TM6SF1: variants seen among roughly 807,000 people sequenced by gnomAD.
TM6SF1 encodes the protein transmembrane 6 superfamily member 1.
In TM6SF1, 43 loss-of-function variants were observed where a neutral mutation model predicts 47.1. The observed-to-expected ratio is 0.91, with a 90% CI of 0.72 to 1.18. The LOEUF is 1.18. Ranked by LOEUF, TM6SF1 falls within the 50% of genes most tolerant of loss-of-function variation. TM6SF1 has a pLI of 0.00. For missense variants in TM6SF1, 390 were observed against 449.0 expected, an observed-to-expected ratio of 0.87 and a Z score of 1.19; for synonymous variants, 177 against 166.3, an observed-to-expected ratio of 1.06 and a Z score of -0.49.
At chr15:83,112,980 G>T in intron 2 of TM6SF1, 80 bp downstream of exon 2, 1 of 1,194,130 alleles carries the variant, frequency 8.4e-7, no homozygotes, top group Non-Finnish European at 1.3e-6. Flanking sequence ...TTCCTCCTTG[G>T]TTGTGAATAC....
At chr15:83,124,247 G>A (rs1276677829) in intron 6 of TM6SF1, among the ~76,000 whole-genome samples, 2 of 152,008 alleles carry the variant, frequency 1.3e-5, no homozygotes, top group East Asian at 1.9e-4. Flanking sequence ...ATATAAAATT[G>A]TTCCTAATTT....
chr15:83,133,826 G>T (rs2036430155), intron 9 of TM6SF1: 1 of 152,210 alleles, frequency 6.6e-6, no homozygotes, highest in Non-Finnish European at 1.5e-5. Context: ...CTGAACTTCA[G>T]AACCCTGAAC....
In TM6SF1 at chr15:83,112,230, C is replaced by T. The variant is rs542235833; in HGVS notation, c.93-567C>T. Among the ~76,000 whole-genome samples the T allele has an allele frequency of 6.6e-4, 101 of 152,304 alleles. 1 individual carries two copies. The highest frequency in any genetic ancestry group is 2.3e-3 in the African/African-American group (94 of 41,560). On this transcript the variant is annotated intron_variant, in intron 1 of 9. Transcript: ENST00000322019. The stretch of plus-strand genomic sequence containing the variant: ...GGGTGTTGGGCTATCTTCATTCTGG[C>T]CTCAGGTCTAGTCCAGACTCCTTCT...
At chr15:83,122,030 TTTCCTTTTCTAAAACAATGGGGCTTG>T in intron 5 of TM6SF1, 27 bp downstream of exon 5, 1 of 1,553,882 alleles carries the variant, frequency 6.4e-7, no homozygotes, top group Non-Finnish European at 8.8e-7. Context: ...TAAAGTTCAC[TTTCCTTTTCTAAAACAATGGGGCTTG>T]TTTTTAAATA....
At chr15:83,127,322 A>G (rs757323438) in intron 8 of TM6SF1, 36 bp from the exon 9 acceptor site, 80 of 1,539,924 alleles carry the variant, frequency 5.2e-5, no homozygotes, top group Non-Finnish European at 6.9e-5. Context: ...GTTAACTGCC[A>G]ATTTGCTGAT....
intron 1 of TM6SF1, among the ~76,000 whole-genome samples, chr15:83,109,034 T>C (rs1417598332): frequency 6.6e-6 from 1 of 152,224 alleles, no homozygotes; most frequent in African/African-American, 2.4e-5. Context: ...TACTGTGTGT[T>C]TGGCACTGTT....
chr15:83,130,461 G>A (rs2036151938), intron 9 of TM6SF1: 1 of 152,246 alleles, frequency 6.6e-6, no homozygotes, highest in Non-Finnish European at 1.5e-5. Context: ...CAGTTGATAA[G>A]GCAGCCTGAA....
rs2036620501 is a variant in TM6SF1 at position 83,136,483 on chromosome 15, T to G, written c.924T>G (p.Ala308=). 35 of 1,575,388 alleles carry G rather than the reference T, an allele frequency of 2.2e-5. No individual in the cohort carries two copies. The highest frequency in any genetic ancestry group is 3.0e-5 in the Non-Finnish European group (35 of 1,167,904). The stretch of plus-strand genomic sequence containing the variant: ...TTTTTTTTTTTTAAATGCAACAGGC[T>G]CAGTTTTCTCACATTGGTGCATCTC... ...TLIHAGGLAQ[A]QFSHIGASLH... Residue 308 remains alanine, a splice_region_variant and synonymous_variant, in exon 10 of 10, where the codon GCT becomes GCG. Coordinates refer to ENST00000322019, the MANE Select transcript of TM6SF1 (RefSeq NM_023003.5).
intron 1 of TM6SF1, among the ~76,000 whole-genome samples, chr15:83,108,199 T>A (rs1368210007): frequency 6.6e-6 from 1 of 152,228 alleles, no homozygotes; most frequent in Non-Finnish European, 1.5e-5. Context: ...CGCATACTTA[T>A]CATTTCTTAT....
intron 3 of TM6SF1, among the ~76,000 whole-genome samples, 180 bp from the exon 4 acceptor site, chr15:83,119,398 T>C (rs1414103515): frequency 6.6e-6 from 1 of 152,240 alleles, no homozygotes; most frequent in African/African-American, 2.4e-5. Context: ...CAGACCCTGG[T>C]TTTGGCAGCT....
At position 83,112,823 on chromosome 15, in the gene TM6SF1, C is replaced by T; in HGVS notation, c.119C>T (p.Ala40Val). ...TCCTGGACTATTGTAGGGGTTGCTG[C>T]CCTCATCCTGTTCCTGGTAGCACTG... is the stretch of plus-strand genomic sequence containing the variant. Reference protein sequence around the residue: ...HDSWTIVGVAALILFLVALLA... With the variant: ...HDSWTIVGVAVLILFLVALLA... Residue 40 changes from alanine (A) to valine (V), a missense_variant, in exon 2 of 10, where the codon GCC (alanine) becomes GTC (valine). Transcript: ENST00000322019. 6.2e-7 allele frequency: 1 copy of T among 1,614,106 alleles called. No homozygotes were observed. The highest frequency in any genetic ancestry group is 8.5e-7 in the Non-Finnish European group (1 of 1,179,972).
At chr15:83,135,354 A>G (rs1567160728) in intron 9 of TM6SF1, 1 of 152,256 alleles carries the variant, frequency 6.6e-6, no homozygotes, top group Non-Finnish European at 1.5e-5. Flanking sequence ...ATGTATTTAA[A>G]GCAAATTATC....
intron 9 of TM6SF1, chr15:83,133,407 T>G (rs2036391645): frequency 6.6e-6 from 1 of 152,244 alleles, no homozygotes; most frequent in South Asian, 2.1e-4. Flanking sequence ...TCTATACATG[T>G]AAGAAAACAG....
chr15:83,126,095 T>G (rs541685394), intron 7 of TM6SF1, among the ~76,000 whole-genome samples: 31 of 152,298 alleles, frequency 2.0e-4, no homozygotes, highest in African/African-American at 7.5e-4. Flanking sequence ...TGGGGGTGCA[T>G]GCAAGGTGGG....
chr15:83,122,104 C>T, intron 5 of TM6SF1, 101 bp downstream of exon 5: 1 of 952,152 alleles, frequency 1.1e-6, no homozygotes, highest in Non-Finnish European at 1.6e-6. Context: ...CAAGTGATTC[C>T]AAGCTTACTA....
Position 83,136,829 on chromosome 15 carries a change from AT to A in TM6SF1, c.*165del, listed in dbSNP as rs1272156181. ...GTGTGAGCTATATGGTATTGTGTAA[AT>A]TTTTTTTGAAGGAAAATGGAAATTC... On this transcript the variant is annotated 3_prime_UTR_variant, in exon 10 of 10. Coordinates refer to ENST00000322019, the MANE Select transcript of TM6SF1 (RefSeq NM_023003.5). The A allele has an allele frequency of 8.5e-5, 42 of 494,122 alleles. No individual in the cohort carries two copies. Among genetic ancestry groups the A allele is most frequent in the Admixed American group, 1.3e-4 (3 of 23,876 alleles). The allele number at this position is 494,122 out of a possible 1,614,324, so 30.6% of individuals were successfully genotyped here.
intron 3 of TM6SF1, 106 bp from the exon 4 acceptor site, chr15:83,119,472 T>C (rs1464766739): frequency 1.7e-6 from 2 of 1,143,336 alleles, no homozygotes; most frequent in Non-Finnish European, 2.5e-6. Flanking sequence ...TCTTAGCAGA[T>C]GAACACAAGT....
Position 83,136,659 on chromosome 15 carries a change from A to G in TM6SF1, c.1100A>G (p.Glu367Gly). ...PEFFIKTKAE[E>G]KVE is the part of the protein sequence containing the mutation. ...TTCTTCATAAAAACAAAGGCAGAAG[A>G]AAAAGTGGAATAAAAATATTACTTC... Residue 367 changes from glutamate (E) to glycine (G), a missense_variant, in exon 10 of 10, where the codon GAA becomes GGA. Physicochemically the swap from Glu to Gly is moderately conservative, Grantham distance 98. Coordinates refer to ENST00000322019, the MANE Select transcript of TM6SF1 (RefSeq NM_023003.5). 1 of 1,593,146 alleles carries G rather than the reference A, an allele frequency of 6.3e-7. No individual in the cohort carries two copies. Among genetic ancestry groups the G allele is most frequent in the Non-Finnish European group, 8.5e-7 (1 of 1,174,666 alleles).
In TM6SF1 at chr15:83,112,831, C is replaced by T. The variant is rs975108128; in HGVS notation, c.127C>T (p.Leu43=). 6.2e-7 allele frequency: 1 copy of T among 1,614,146 alleles called. No individual in the cohort carries two copies. Among genetic ancestry groups the T allele is most frequent in the Admixed American group, 1.7e-5 (1 of 60,020 alleles). ...WTIVGVAALI[L]FLVALLARVL... ...TATTGTAGGGGTTGCTGCCCTCATC[C>T]TGTTCCTGGTAGCACTGCTGGCTCG... The change falls in exon 2 of 10, where the codon CTG becomes TTG. Residue 43 remains leucine, a synonymous_variant. Transcript: ENST00000322019.
Sources: gnomAD v4.1 joint callset for allele counts (sites outside exome capture counted in the v4.1 genomes callset) on GRCh38, gnomAD v4.1.1 for gene constraint, MANE v1.5 for transcripts, NCBI Gene and HGNC (gene_info 2026-07-23, HGNC 2026-07-21) for gene names.